WNT9B: variants seen among roughly 807,000 people sequenced by gnomAD.
The protein encoded by WNT9B is protein Wnt-9b.
A neutral mutation model predicts 30.2 loss-of-function variants in WNT9B; 12 were observed. The observed-to-expected ratio is 0.40, with a 90% CI of 0.26 to 0.64. The LOEUF is 0.64. Among genes scored for constraint, WNT9B ranks in the 30% least tolerant of loss-of-function variants. The pLI is 0.42. For missense variants in WNT9B, 442 were observed against 485.2 expected, an observed-to-expected ratio of 0.91 and a Z score of 0.84; for synonymous variants, 218 against 216.9, an observed-to-expected ratio of 1.01 and a Z score of -0.05.
exon 5 of WNT9B, chr17:46,886,130 T>C (rs995832397): frequency 4.6e-5 from 7 of 152,306 alleles, no homozygotes; most frequent in Admixed American, 4.6e-4. Context: ...CACAGCTGTG[T>C]GTACTTGACC....
At chr17:46,846,736 G>T (rs1296213553), upstream of WNT9B, among the ~76,000 whole-genome samples, 2 of 152,220 alleles carry the variant, frequency 1.3e-5, no homozygotes, top group African/African-American at 4.8e-5. Context: ...AAGAGAAGGT[G>T]GGTCCCACAC....
At chr17:46,863,167 C>T (rs1451012473) in intron 1 of WNT9B, among the ~76,000 whole-genome samples, 1 of 152,336 alleles carries the variant, frequency 6.6e-6, no homozygotes, top group African/African-American at 2.4e-5. Flanking sequence ...AAAGCCCGCC[C>T]AGCCCCAGCT....
chr17:46,873,529 A>G (rs901597013), intron 2 of WNT9B, among the ~76,000 whole-genome samples: 13 of 152,142 alleles, frequency 8.5e-5, no homozygotes, highest in Non-Finnish European at 1.8e-4. Context: ...CTCCCTGTCA[A>G]TTGCCCCTTA....
At chr17:46,866,638 C>T (rs900112075) in intron 1 of WNT9B, among the ~76,000 whole-genome samples, 3 of 152,016 alleles carry the variant, frequency 2.0e-5, no homozygotes, top group South Asian at 2.1e-4. Context: ...GCCAGCACCC[C>T]GGGCAGCACA....
At chr17:46,837,238 GC>G (rs1377353076) in intron 1 of WNT9B, among the ~76,000 whole-genome samples, 1 of 152,182 alleles carries the variant, frequency 6.6e-6, no homozygotes, top group Admixed American at 6.5e-5. Flanking sequence ...ACCGTGCCTG[GC>G]TGAACCTTGC....
intron 1 of WNT9B, among the ~76,000 whole-genome samples, chr17:46,841,913 T>G (rs1249278181): frequency 6.6e-6 from 1 of 152,188 alleles, no homozygotes; most frequent in Admixed American, 6.5e-5. Flanking sequence ...GGGTCTCTGG[T>G]CCGCGAGAGG....
In WNT9B at chr17:46,866,542, A is replaced by G. The variant is rs115558730; in HGVS notation, c.78-5975A>G. The stretch of plus-strand genomic sequence containing the variant: ...GGTAGACTGAGACGTTTGAGATGAA[A>G]GCACAAAGGGCGCACTCACCATGCA... On this transcript the variant is annotated intron_variant, in intron 1 of 3. Transcript: ENST00000290015. Among the ~76,000 whole-genome samples the G allele has an allele frequency of 3.3e-3, 495 of 152,104 alleles. 3 individuals carry two copies. The highest frequency in any genetic ancestry group is 0.011 in the African/African-American group (473 of 41,496).
chr17:46,863,481 C>T (rs927129703), intron 1 of WNT9B, among the ~76,000 whole-genome samples: 2 of 152,042 alleles, frequency 1.3e-5, no homozygotes, highest in African/African-American at 4.8e-5. Context: ...GTCTGCCATG[C>T]GGAACTGATG....
At chr17:46,842,115 C>G (rs971489273) in intron 1 of WNT9B, among the ~76,000 whole-genome samples, 2 of 152,334 alleles carry the variant, frequency 1.3e-5, no homozygotes, top group South Asian at 4.1e-4. Context: ...CTCACACCGC[C>G]CCTTCCCACT....
intron 2 of WNT9B, 131 bp downstream of exon 2, chr17:46,872,904 ACGGTCCCAAATGAG>A: frequency 1.8e-6 from 2 of 1,141,964 alleles, no homozygotes; most frequent in South Asian, 3.4e-5. Context: ...CTGCCCTAGC[ACGGTCCCAAATGAG>A]AAGAGTCACA....
intron 1 of WNT9B, among the ~76,000 whole-genome samples, chr17:46,866,266 T>C (rs1242802398): frequency 6.6e-6 from 1 of 152,142 alleles, no homozygotes; most frequent in African/African-American, 2.4e-5. Flanking sequence ...CCTCTCTTAC[T>C]GGGCCAGGCA....
rs766432328 is a variant in WNT9B, at chr17:46,877,208, G to A, written c.*490G>A. 4.7e-6 allele frequency: 2 copies of A among 428,190 alleles called. No homozygotes were observed. Among genetic ancestry groups the A allele is most frequent in the Non-Finnish European group, 6.2e-6 (2 of 320,798 alleles). The allele number at this position is 428,190 out of a possible 1,614,324, so 26.5% of individuals were successfully genotyped here. A position where few individuals can be genotyped will look rare whatever the true frequency, so the allele number is the denominator to read the frequency against. On this transcript the variant is annotated 3_prime_UTR_variant, in exon 4 of 4. Transcript: ENST00000290015. Reference sequence around the variant, plus strand: ...AATCGGGTCCTGTGGCCCTGCTCAGGTGCAGTGGGCTCCAGGTGTCACACA... The same window carrying A: ...AATCGGGTCCTGTGGCCCTGCTCAGATGCAGTGGGCTCCAGGTGTCACACA...
At position 46,879,300 on chromosome 17, in the gene WNT9B, T is replaced by C. The variant is rs557695136; in HGVS notation, c.*2582T>C. ...GGGTCGCTGGGAAGGAGGACAAACCTGTATTCCATGACTGGGTCTGTCTCG... is the reference window on the plus strand; with the variant it reads ...GGGTCGCTGGGAAGGAGGACAAACCCGTATTCCATGACTGGGTCTGTCTCG... On this transcript the variant is annotated 3_prime_UTR_variant, in exon 4 of 4. Transcript: ENST00000290015. Among the ~76,000 whole-genome samples, 9 of 152,268 alleles carry C rather than the reference T, an allele frequency of 5.9e-5. No homozygotes were observed. In the East Asian group the frequency reaches 1.4e-3, roughly 23 times the overall value.
Position 46,851,729 on chromosome 17 carries a change from G to A in WNT9B, c.77+14G>A. On this transcript the variant is annotated intron_variant, in intron 1 of 3. Coordinates refer to ENST00000290015, the MANE Select transcript of WNT9B (RefSeq NM_003396.3). The surrounding 1 kb of genome is among the most constrained non-coding windows in gnomAD (Gnocchi z 4.3). Reference sequence around the variant, plus strand: ...CTCCTACTTCGGGTCAGTGCCCGCCGCGCCCCCCGCCCGCTCCCCGGCCTG... The same window carrying A: ...CTCCTACTTCGGGTCAGTGCCCGCCACGCCCCCCGCCCGCTCCCCGGCCTG... 2.4e-6 allele frequency: 3 copies of A among 1,258,186 alleles called. No homozygotes were observed. The highest frequency in any genetic ancestry group is 3.0e-6 in the Non-Finnish European group (3 of 1,000,892). The allele number at this position is 1,258,186 out of a possible 1,614,324, so 77.9% of individuals were successfully genotyped here.
intron 1 of WNT9B, among the ~76,000 whole-genome samples, chr17:46,869,341 A>G (rs73987069): frequency 0.015 from 2,225 of 152,308 alleles, 60 homozygotes; most frequent in African/African-American, 0.051. Flanking sequence ...CCAAGGCAAC[A>G]CTGGCCATGC....
chr17:46,845,190 G>A (rs1410895083), intron 1 of WNT9B, among the ~76,000 whole-genome samples: 4 of 152,124 alleles, frequency 2.6e-5, no homozygotes, highest in Non-Finnish European at 4.4e-5. Context: ...GCTATGTCCT[G>A]TGTGGAATGC....
intron 1 of WNT9B, among the ~76,000 whole-genome samples, chr17:46,843,826 T>C (rs2084743067): frequency 6.6e-6 from 1 of 152,380 alleles, no homozygotes; most frequent in South Asian, 2.1e-4. Flanking sequence ...TTTATTTATG[T>C]GTCTTTCCCA....
At chr17:46,865,683 A>G (rs1366888867) in intron 1 of WNT9B, among the ~76,000 whole-genome samples, 1 of 152,148 alleles carries the variant, frequency 6.6e-6, no homozygotes, top group Non-Finnish European at 1.5e-5. Flanking sequence ...TGGCGTGATC[A>G]TGGCCCACTG....
In WNT9B at chr17:46,877,741, C is replaced by A. The variant is rs2146615240; in HGVS notation, c.*1023C>A. On this transcript the variant is annotated 3_prime_UTR_variant, in exon 4 of 4. Coordinates refer to ENST00000290015, the MANE Select transcript of WNT9B (RefSeq NM_003396.3). ...CCCCATACCAGCTGAGTTCACAATA[C>A]TGAAGAACAGCTGGCTCACGAGCTA... Among the ~76,000 whole-genome samples the A allele has an allele frequency of 6.6e-6, 1 of 152,304 alleles. No homozygotes were observed. Among genetic ancestry groups the A allele is most frequent in the Middle Eastern group, 3.4e-3 (1 of 294 alleles).
Sources: allele counts gnomAD v4.1 joint callset (sites outside exome capture counted in the v4.1 genomes callset), GRCh38; gene constraint gnomAD v4.1.1; non-coding constraint Gnocchi (gnomAD v3.1); transcripts MANE v1.5; gene names NCBI Gene and HGNC (gene_info 2026-07-23, HGNC 2026-07-21).